The following GNAO1 variants were observed in gnomAD, a reference collection of about 807,000 sequenced individuals.
The protein encoded by GNAO1 is G protein subunit alpha o1.
For missense variants in GNAO1, 166 were observed against 478.7 expected (o/e 0.35, Z 6.10); for synonymous variants, 164 against 180.7 (o/e 0.91, Z 0.74).
intron 2 of GNAO1, among the ~76,000 whole-genome samples, chr16:56,253,781 A>C (rs1298501496): frequency 6.6e-6 from 1 of 152,216 alleles, no homozygotes; most frequent in Non-Finnish European, 1.5e-5. Context: ...GACATGTGGC[A>C]GCTTGTGGGA....
At chr16:56,333,600 C>T (rs1052897558) in intron 4 of GNAO1, among the ~76,000 whole-genome samples, 2 of 152,256 alleles carry the variant, frequency 1.3e-5, no homozygotes, top group South Asian at 2.1e-4. Context: ...GGGGCATTCT[C>T]ACAAGGATTG....
chr16:56,312,138 C>T (rs560071272), intron 3 of GNAO1, among the ~76,000 whole-genome samples: 40 of 152,266 alleles, frequency 2.6e-4, no homozygotes, highest in Admixed American at 6.5e-4. Context: ...CATTTCCTCT[C>T]GGAAGACCAG....
chr16:56,252,592 G>A (rs183368209), intron 2 of GNAO1, among the ~76,000 whole-genome samples: 6 of 152,328 alleles, frequency 3.9e-5, no homozygotes, highest in Non-Finnish European at 8.8e-5. Context: ...TTGGAGAGTC[G>A]TGAGGATGAA....
chr16:56,300,036 T>TGTGTGTGTGTGTGTGTGTGTGC (rs753591618), intron 3 of GNAO1, among the ~76,000 whole-genome samples: 41 of 95,104 alleles, frequency 4.3e-4, no homozygotes, highest in African/African-American at 1.0e-3. Flanking sequence ...TGTGTGTGTG[T>TGTGTGTGTGTGTGTGTGTGTGC]GCGCGCGCGC....
rs1567493291 is a variant in GNAO1 at position 56,344,771 on chromosome 16, A to G, written c.724-6613A>G. The G allele has an allele frequency of 8.1e-6, 8 of 985,382 alleles. No individual in the cohort carries two copies. In the South Asian group the frequency reaches 1.4e-4, roughly 17 times the overall value. 61.0% of individuals were successfully genotyped at this position (985,382 alleles called of 1,614,324 possible). A position where few individuals can be genotyped will look rare whatever the true frequency, so the allele number is the denominator to read the frequency against. On this transcript the variant is annotated intron_variant, in intron 6 of 8. Coordinates refer to ENST00000262493, the MANE Select transcript of GNAO1 (RefSeq NM_020988.3). The stretch of plus-strand genomic sequence containing the variant: ...CCATTTCTTTTTTCCAGTCACCAGG[A>G]GCTCGGATGGTCACTCTGAGGTGTG...
intron 6 of GNAO1, chr16:56,347,151 G>C: frequency 1.0e-6 from 1 of 985,402 alleles, no homozygotes; most frequent in Non-Finnish European, 1.2e-6. Flanking sequence ...TCAGCTAGTG[G>C]CCTGCCCTCC....
At chr16:56,212,430 G>T (rs1319515753) in intron 2 of GNAO1, among the ~76,000 whole-genome samples, 1 of 152,188 alleles carries the variant, frequency 6.6e-6, no homozygotes, top group Non-Finnish European at 1.5e-5. Flanking sequence ...GAATGTTCCT[G>T]TCTCTTGGCT....
chr16:56,297,667 G>A (rs1207934699), intron 3 of GNAO1, among the ~76,000 whole-genome samples: 2 of 151,942 alleles, frequency 1.3e-5, no homozygotes. Flanking sequence ...CATCCTGGTG[G>A]AGTTGTAATT....
chr16:56,346,314 G>T (rs1026440623), intron 6 of GNAO1: 46 of 985,338 alleles, frequency 4.7e-5, no homozygotes, highest in Non-Finnish European at 5.4e-5. Context: ...GGAATGTTGC[G>T]AGTGACACGT....
At chr16:56,349,276 G>T (rs2037900483) in intron 6 of GNAO1, among the ~76,000 whole-genome samples, 1 of 152,244 alleles carries the variant, frequency 6.6e-6, no homozygotes, top group Non-Finnish European at 1.5e-5. Context: ...GTGCAGTGGA[G>T]GAGGGAGCTT....
At chr16:56,314,828 G>A (rs1262280382) in intron 3 of GNAO1, among the ~76,000 whole-genome samples, 3 of 152,086 alleles carry the variant, frequency 2.0e-5, no homozygotes, top group African/African-American at 7.2e-5. Context: ...ACCCCTCGGG[G>A]TCCACTGACC....
At chr16:56,290,792 T>C (rs985233009) in intron 3 of GNAO1, among the ~76,000 whole-genome samples, 1 of 152,136 alleles carries the variant, frequency 6.6e-6, no homozygotes, top group South Asian at 2.1e-4. Flanking sequence ...CCCGTTAGCA[T>C]TCCCTCCCTA....
chr16:56,191,876 A>C lies in GNAO1; in HGVS notation c.-360A>C, dbSNP rs2036176613. ...CTCTGTCGGCTCCGGCTGCGGCTCC[A>C]GCCTCGACTATTATTTTATTTATTT... is the stretch of plus-strand genomic sequence containing the variant. On this transcript the variant is annotated 5_prime_UTR_variant, in exon 1 of 9. Coordinates refer to ENST00000262493, the MANE Select transcript of GNAO1 (RefSeq NM_020988.3). This position sits in a 1 kb window ranked among gnomAD's most constrained non-coding sequence, Gnocchi z 4.7. The C allele has an allele frequency of 1.3e-5, 2 of 149,542 alleles. No homozygotes were observed. The highest frequency in any genetic ancestry group is 1.4e-4 in the South Asian group (1 of 7,306). The allele number at this position is 149,542 out of a possible 1,614,324, so 9.3% of individuals were successfully genotyped here.
Position 56,351,616 on chromosome 16 carries a change from C to A in GNAO1, c.877+79C>A. 8.5e-7 allele frequency: 1 copy of A among 1,170,876 alleles called. No individual in the cohort carries two copies. The highest frequency in any genetic ancestry group is 1.2e-6 in the Non-Finnish European group (1 of 802,730). 72.5% of individuals were successfully genotyped at this position (1,170,876 alleles called of 1,614,324 possible). A position where few individuals can be genotyped will look rare whatever the true frequency, so the allele number is the denominator to read the frequency against. ...TGGCTCAGAGAACAGGCTGCTCGGCCAGCACTGCTGGGGCTAGCTGGCGAG... is the reference window on the plus strand; with the variant it reads ...TGGCTCAGAGAACAGGCTGCTCGGCAAGCACTGCTGGGGCTAGCTGGCGAG... On this transcript the variant is annotated intron_variant, in intron 7 of 8. Coordinates refer to ENST00000262493, the MANE Select transcript of GNAO1 (RefSeq NM_020988.3). The surrounding 1 kb of genome is among the most constrained non-coding windows in gnomAD (Gnocchi z 6.1).
rs576051134 is a variant in GNAO1, at chr16:56,206,133, A to G, written c.161+13517A>G. Among the ~76,000 whole-genome samples, 29 of 152,210 alleles carry G rather than the reference A, an allele frequency of 1.9e-4. No individual in the cohort carries two copies. In the South Asian group the frequency reaches 2.9e-3, roughly 15 times the overall value. On this transcript the variant is annotated intron_variant, in intron 2 of 8. Transcript: ENST00000262493. ...CAGGAGATCCAGACCATCCTGGATA[A>G]CACGGTGAAACCTCGTCTTTACAAA...
chr16:56,223,452 G>A (rs1436468205), intron 2 of GNAO1, among the ~76,000 whole-genome samples: 1 of 152,212 alleles, frequency 6.6e-6, no homozygotes, highest in African/African-American at 2.4e-5. Context: ...AAGGACTCAT[G>A]TGATTAGATT....
rs182807872 is a variant in GNAO1 at position 56,291,938 on chromosome 16, C to T, written c.303+15866C>T. Among the ~76,000 whole-genome samples, 235 of 152,288 alleles carry T rather than the reference C, an allele frequency of 1.5e-3. 2 individuals are homozygous for T. The highest frequency in any genetic ancestry group is 2.0e-3 in the Non-Finnish European group (138 of 68,034). ...ATCTAATTGCTTCCCAAAGGCCCCA[C>T]CTCTTAATATCATTGCCTTGGGGAT... On this transcript the variant is annotated intron_variant, in intron 3 of 8. Coordinates refer to ENST00000262493, the MANE Select transcript of GNAO1 (RefSeq NM_020988.3).
intron 2 of GNAO1, among the ~76,000 whole-genome samples, chr16:56,195,792 C>A (rs1200617656): frequency 6.6e-6 from 1 of 152,204 alleles, no homozygotes; most frequent in Non-Finnish European, 1.5e-5. Flanking sequence ...AATAAAACTC[C>A]TTTTATTTAG....
At chr16:56,252,419 G>T (rs2036807872) in intron 2 of GNAO1, among the ~76,000 whole-genome samples, 1 of 152,216 alleles carries the variant, frequency 6.6e-6, no homozygotes, top group African/African-American at 2.4e-5. Context: ...AAGGAGAGCA[G>T]TTCAGATGAG....
Sources: allele counts gnomAD v4.1 joint callset (sites outside exome capture counted in the v4.1 genomes callset), GRCh38; gene constraint gnomAD v4.1.1; non-coding constraint Gnocchi (gnomAD v3.1); transcripts MANE v1.5; gene names NCBI Gene and HGNC (gene_info 2026-07-23, HGNC 2026-07-21).